Variants in SMIM27 observed in about 807,000 individuals in gnomAD.
The protein encoded by SMIM27 is TOPORS antisense RNA 1 (non-protein coding).
SMIM27 carries 3 observed loss-of-function variants against 1.8 expected under a neutral mutation model. The observed-to-expected ratio is 1.65, with a 90% CI of 0.75 to 4.28. The LOEUF (loss-of-function observed/expected upper bound fraction) is 4.28, where lower values mean the gene tolerates loss of function less well. SMIM27 is among the 30% of genes most tolerant of loss of function. The pLI, the probability that SMIM27 is intolerant of heterozygous loss-of-function variation, is 0.02. For missense variants in SMIM27, 63 were observed against 37.0 expected, an observed-to-expected ratio of 1.70 and a Z score of -1.83; for synonymous variants, 19 against 13.9, an observed-to-expected ratio of 1.37 and a Z score of -0.82.
downstream of SMIM27, chr9:32,553,835 C>A: frequency 7.6e-7 from 1 of 1,319,696 alleles, no homozygotes; most frequent in South Asian, 1.2e-5. Flanking sequence ...AATATAGGAA[C>A]AAACTTAGGC....
At chr9:32,558,859 G>T in intron 1 of SMIM27, 1 of 1,278,176 alleles carries the variant, frequency 7.8e-7, no homozygotes, top group Non-Finnish European at 1.1e-6. Flanking sequence ...GGGAGGAAAA[G>T]GAAAGAGAAA....
chr9:32,552,676 A>G, intron 1 of SMIM27, 125 bp from the exon 2 acceptor site: 1 of 654,216 alleles, frequency 1.5e-6, no homozygotes, highest in South Asian at 1.7e-5. Context: ...TGTACCCGCC[A>G]CTGGAACCCC....
downstream of SMIM27, among the ~76,000 whole-genome samples, chr9:32,557,147 C>T (rs1383852998): frequency 5.5e-5 from 8 of 145,252 alleles, no homozygotes; most frequent in African/African-American, 7.6e-5. Context: ...TGTTAGCCAC[C>T]GCGCCTGGCC....
upstream of SMIM27, chr9:32,551,477 G>C (rs1373206960): frequency 3.8e-6 from 1 of 266,054 alleles, no homozygotes; most frequent in Non-Finnish European, 7.6e-6. Context: ...AGGCTGGGGA[G>C]AAACAGGACA....
At position 32,552,334 on chromosome 9, in the gene SMIM27, GC is replaced by G; in HGVS notation, c.-100del. The stretch of plus-strand genomic sequence containing the variant: ...GCGAGTGGGCGGGCGCTCGTGCCCG[GC>G]TAAAAGATGGCTGCTGGCGCCTGGC... On this transcript the variant is annotated 5_prime_UTR_variant, in exon 1 of 2. Coordinates refer to ENST00000692500, the MANE Select transcript of SMIM27 (RefSeq NM_001387564.1). 6.5e-7 allele frequency: 1 copy of G among 1,528,948 alleles called. No homozygotes were observed. Among genetic ancestry groups the G allele is most frequent in the Non-Finnish European group, 8.9e-7 (1 of 1,125,258 alleles). 94.7% of individuals were successfully genotyped at this position (1,528,948 alleles called of 1,614,324 possible). A position where few individuals can be genotyped will look rare whatever the true frequency, so the allele number is the denominator to read the frequency against.
downstream of SMIM27, among the ~76,000 whole-genome samples, chr9:32,557,694 G>C (rs1021964059): frequency 6.6e-6 from 1 of 151,940 alleles, no homozygotes; most frequent in Non-Finnish European, 1.5e-5. Flanking sequence ...GGCCAGGCTG[G>C]TCTCGAAGTT....
At chr9:32,563,491 C>CTTT (rs111646430) in intron 1 of SMIM27, among the ~76,000 whole-genome samples, 4 of 92,004 alleles carry the variant, frequency 4.3e-5, no homozygotes, top group African/African-American at 1.3e-4. Flanking sequence ...GACTATTGGG[C>CTTT]TTTTTTTTTT....
downstream of SMIM27, among the ~76,000 whole-genome samples, chr9:32,554,447 C>T (rs990081068): frequency 1.3e-5 from 2 of 152,172 alleles, no homozygotes; most frequent in East Asian, 1.9e-4. Flanking sequence ...AAGGCATGGG[C>T]ATTGAAGCCA....
At position 32,564,330 on chromosome 9, in the gene SMIM27, G is replaced by A. The variant is rs567356247; in HGVS notation, c.46-2061G>A. Among the ~76,000 whole-genome samples, 3 of 151,680 alleles carry A rather than the reference G, an allele frequency of 2.0e-5. No individual in the cohort carries two copies. In the East Asian group the frequency reaches 5.8e-4, roughly 29 times the overall value. On this transcript the variant is annotated intron_variant, in intron 1 of 1. Coordinates refer to the SMIM27 transcript ENST00000451672. The stretch of plus-strand genomic sequence containing the variant: ...TTATCATCAACATATGTACTCACAG[G>A]CATACCTTACTTTATTGCACTTTGC...
chr9:32,553,927 C>G, downstream of SMIM27: 1 of 1,595,984 alleles, frequency 6.3e-7, no homozygotes, highest in Non-Finnish European at 8.6e-7. Flanking sequence ...CTTCTCCAGT[C>G]TCCAGAATTG....
Position 32,552,335 on chromosome 9 carries a change from C to A in SMIM27, c.-100C>A. On this transcript the variant is annotated 5_prime_UTR_variant, in exon 1 of 2. Transcript: ENST00000692500. ...CGAGTGGGCGGGCGCTCGTGCCCGG[C>A]TAAAAGATGGCTGCTGGCGCCTGGC... 1.3e-6 allele frequency: 2 copies of A among 1,535,836 alleles called. No individual in the cohort carries two copies. Among genetic ancestry groups the A allele is most frequent in the Non-Finnish European group, 1.8e-6 (2 of 1,131,244 alleles).
chr9:32,556,411 G>A (rs10813834), downstream of SMIM27, among the ~76,000 whole-genome samples: 76,431 of 152,070 alleles, frequency 0.5, 20,218 homozygotes, highest in Middle Eastern at 0.67. Context: ...CGATAGGCAC[G>A]GCTGTAAGAT....
chr9:32,559,359 C>G (rs1821564109), intron 1 of SMIM27, among the ~76,000 whole-genome samples: 1 of 152,238 alleles, frequency 6.6e-6, no homozygotes, highest in Non-Finnish European at 1.5e-5. Context: ...ACAACAGCAC[C>G]TACTAGCCTC....
In SMIM27 at chr9:32,552,381, C is replaced by T. The variant is rs1204119730; in HGVS notation, c.-54C>T. The T allele has an allele frequency of 5.0e-6, 8 of 1,603,954 alleles. No homozygotes were observed. Among genetic ancestry groups the T allele is most frequent in the Non-Finnish European group, 6.8e-6 (8 of 1,175,778 alleles). ...CTGGCAGCCACCGCCTGGGAGGTTA[C>T]TGTAAGGCCCGCAGCTCCCGCCAGC... is the stretch of plus-strand genomic sequence containing the variant. On this transcript the variant is annotated 5_prime_UTR_variant, in exon 1 of 2. Coordinates refer to ENST00000692500, the MANE Select transcript of SMIM27 (RefSeq NM_001387564.1).
At chr9:32,555,309 A>C (rs1821426754), downstream of SMIM27, among the ~76,000 whole-genome samples, 1 of 152,214 alleles carries the variant, frequency 6.6e-6, no homozygotes, top group East Asian at 1.9e-4. Context: ...AGAATTCCTA[A>C]ACAATAAGTT....
chr9:32,553,931 A>G, downstream of SMIM27: 1 of 1,593,552 alleles, frequency 6.3e-7, no homozygotes, highest in South Asian at 1.1e-5. Context: ...TCCAGTCTCC[A>G]GAATTGTATC....
downstream of SMIM27, chr9:32,553,887 G>C (rs993647869): frequency 8.2e-6 from 13 of 1,587,992 alleles, no homozygotes; most frequent in Non-Finnish European, 1.1e-5. Context: ...TAATGATGTT[G>C]ATCAGGAAAT....
exon 2 of SMIM27, chr9:32,566,554 C>A: frequency 1.3e-6 from 1 of 775,810 alleles, no homozygotes; most frequent in Non-Finnish European, 2.4e-6. Context: ...TAGCTGCCGT[C>A]GTACTGCACA....
intron 1 of SMIM27, among the ~76,000 whole-genome samples, chr9:32,564,127 C>T (rs1821708167): frequency 6.6e-6 from 1 of 152,160 alleles, no homozygotes; most frequent in Admixed American, 6.5e-5. Context: ...AGAATATGTA[C>T]ACACAAACAC....
Sources: gnomAD v4.1 joint callset for allele counts (sites outside exome capture counted in the v4.1 genomes callset) on GRCh38, gnomAD v4.1.1 for gene constraint, MANE v1.5 for transcripts, NCBI Gene and HGNC (gene_info 2026-07-23, HGNC 2026-07-21) for gene names.